Variants in SLC7A8 observed in about 807,000 individuals in gnomAD.
The protein encoded by SLC7A8 is solute carrier family 7 member 8.
A neutral mutation model predicts 51.2 loss-of-function variants in SLC7A8; 30 were observed. The observed-to-expected ratio is 0.59, with a 90% confidence interval of 0.44 to 0.80. The LOEUF (loss-of-function observed/expected upper bound fraction) is 0.80. SLC7A8 is among the 30% of genes least tolerant of loss of function. The pLI, the probability that SLC7A8 is intolerant of heterozygous loss-of-function variation, is 0.00. For synonymous variants in SLC7A8, 257 were observed against 275.8 expected (o/e 0.93, Z 0.67); for missense variants, 612 against 674.4 (o/e 0.91, Z 1.03).
rs1420110338 is a variant in SLC7A8, at chr14:23,131,443, A to G, written c.1113+18T>C. On this transcript the variant is annotated intron_variant, in intron 8 of 10. Coordinates refer to ENST00000316902, the MANE Select transcript of SLC7A8 (RefSeq NM_012244.4). ...GAGAGGGAGGTGTGTGGAGAGTTAC[A>G]GCAGGAAGGGCCCTTACTGTGAAGA... 5 of 1,555,858 alleles carry G rather than the reference A, an allele frequency of 3.2e-6. No individual in the cohort carries two copies. Among genetic ancestry groups the G allele is most frequent in the Non-Finnish European group, 4.3e-6 (5 of 1,149,902 alleles).
At chr14:23,162,107 C>T (rs935542594) in intron 3 of SLC7A8, among the ~76,000 whole-genome samples, 6 of 151,452 alleles carry the variant, frequency 4.0e-5, no homozygotes, top group African/African-American at 7.3e-5. Context: ...TTCAACAAAC[C>T]GGAAAACAGA....
chr14:23,169,023 C>A (rs2048963431), intron 1 of SLC7A8, among the ~76,000 whole-genome samples: 1 of 152,036 alleles, frequency 6.6e-6, no homozygotes, highest in African/African-American at 2.4e-5. Context: ...TGGGTTTCTG[C>A]CCCCAAAACC....
chr14:23,155,405 T>C (rs1331963360), intron 3 of SLC7A8: 2 of 1,455,186 alleles, frequency 1.4e-6, no homozygotes, highest in Admixed American at 2.5e-5. Flanking sequence ...TTCCTTCTTA[T>C]CCTGTTAGCT....
chr14:23,138,998 T>C (rs1046050641), intron 6 of SLC7A8, among the ~76,000 whole-genome samples: 1 of 152,190 alleles, frequency 6.6e-6, no homozygotes, highest in Non-Finnish European at 1.5e-5. Flanking sequence ...ACCTGACTTC[T>C]GCTTCTGGAG....
intron 10 of SLC7A8, 69 bp from the exon 11 acceptor site, chr14:23,127,412 G>C (rs2180395): frequency 6.4e-7 from 1 of 1,560,210 alleles, no homozygotes; most frequent in Non-Finnish European, 8.8e-7. Context: ...AAGTGGCCCC[G>C]GCCCTTCCTG....
chr14:23,137,808 A>G (rs2048704369), intron 7 of SLC7A8, 113 bp downstream of exon 7: 14 of 1,358,964 alleles, frequency 1.0e-5, no homozygotes, highest in Middle Eastern at 2.6e-4. Flanking sequence ...TGCAAGCCCA[A>G]CATCCAGATG....
chr14:23,153,489 C>T (rs1239579709), intron 3 of SLC7A8, among the ~76,000 whole-genome samples: 2 of 152,168 alleles, frequency 1.3e-5, no homozygotes, highest in African/African-American at 4.8e-5. Context: ...GCCAGTGCCA[C>T]TTGGGACTCT....
chr14:23,163,477 G>A (rs1467708379), intron 3 of SLC7A8, among the ~76,000 whole-genome samples: 10 of 152,216 alleles, frequency 6.6e-5, no homozygotes, highest in Non-Finnish European at 1.5e-4. Flanking sequence ...AAATGGCCTG[G>A]GTGGTGGAGG....
At position 23,126,760 on chromosome 14, in the gene SLC7A8, C is replaced by G. The variant is rs527511036; in HGVS notation, c.*417G>C. The G allele has an allele frequency of 1.7e-4, 37 of 217,174 alleles. 2 individuals carry two copies. The South Asian group carries it at 2.3e-3, about 14-fold the overall frequency. 13.5% of individuals were successfully genotyped at this position (217,174 alleles called of 1,614,324 possible). A position where few individuals can be genotyped will look rare whatever the true frequency, so the allele number is the denominator to read the frequency against. ...TCTCCAGCTGACCCCTTGATGGGGA[C>G]AGAATTGCTTGAGCCTGTCCCCCCA... On this transcript the variant is annotated 3_prime_UTR_variant, in exon 11 of 11. Transcript: ENST00000316902.
rs751185755 is a variant in SLC7A8 at position 23,182,816 on chromosome 14, T to A, written c.99A>T (p.Gly33=). ...ASPEAGSGGG[G]VALKKEIGLV... ...ATCCGATCTCTTTCTTCAGGGCTACTCCGCCCCCTCCGGAACCAGCCTCGG... is the reference window on the plus strand; with the variant it reads ...ATCCGATCTCTTTCTTCAGGGCTACACCGCCCCCTCCGGAACCAGCCTCGG... The change falls in exon 1 of 11, where the codon GGA becomes GGT. Residue 33 remains glycine (G), a synonymous_variant. Coordinates refer to ENST00000316902, the MANE Select transcript of SLC7A8 (RefSeq NM_012244.4). The A allele has an allele frequency of 6.2e-7, 1 of 1,613,594 alleles. No homozygotes were observed. The highest frequency in any genetic ancestry group is 8.5e-7 in the Non-Finnish European group (1 of 1,179,812).
chr14:23,142,312 T>G (rs1231626917), intron 4 of SLC7A8, among the ~76,000 whole-genome samples: 1 of 152,036 alleles, frequency 6.6e-6, no homozygotes, highest in Admixed American at 6.6e-5. Flanking sequence ...CCAAATCCAG[T>G]GGGGAATGTT....
chr14:23,133,569 G>C (rs2048661014), intron 7 of SLC7A8, among the ~76,000 whole-genome samples: 1 of 152,166 alleles, frequency 6.6e-6, no homozygotes, highest in Admixed American at 6.5e-5. Context: ...GCTCATGCCT[G>C]TAATCCCAGC....
At chr14:23,175,773 C>G (rs1256327751) in intron 1 of SLC7A8, among the ~76,000 whole-genome samples, 1 of 152,188 alleles carries the variant, frequency 6.6e-6, no homozygotes, top group Non-Finnish European at 1.5e-5. Flanking sequence ...ACCTTGCACT[C>G]CAGACTGAGG....
intron 1 of SLC7A8, among the ~76,000 whole-genome samples, chr14:23,175,214 GTGTT>G (rs772359532): frequency 7.9e-5 from 12 of 152,058 alleles, no homozygotes; most frequent in Admixed American, 4.6e-4. Flanking sequence ...GTGGTGTTTT[GTGTT>G]TGTTTGTTTG....
intron 7 of SLC7A8, among the ~76,000 whole-genome samples, chr14:23,132,699 G>A (rs548768398): frequency 2.0e-3 from 295 of 149,020 alleles, no homozygotes; most frequent in Non-Finnish European, 3.5e-3. Flanking sequence ...GCAATAGCAC[G>A]ATCTTGGTTC....
chr14:23,155,116 C>T, intron 3 of SLC7A8: 3 of 1,503,292 alleles, frequency 2.0e-6, no homozygotes, highest in Non-Finnish European at 2.7e-6. Flanking sequence ...GCCTATCGCA[C>T]GATAGTAACA....
intron 7 of SLC7A8, among the ~76,000 whole-genome samples, chr14:23,132,900 T>A (rs1341361114): frequency 6.6e-6 from 1 of 151,834 alleles, no homozygotes; most frequent in Non-Finnish European, 1.5e-5. Flanking sequence ...CCTCCCAAAG[T>A]ACTGGGATTA....
At chr14:23,171,512 T>A (rs531898034) in intron 1 of SLC7A8, among the ~76,000 whole-genome samples, 15 of 152,310 alleles carry the variant, frequency 9.8e-5, no homozygotes, top group African/African-American at 3.6e-4. Context: ...CATCAAAGAA[T>A]TTCCTAAGGC....
At chr14:23,154,870 T>G (rs78454818) in intron 3 of SLC7A8, among the ~76,000 whole-genome samples, 2,502 of 151,682 alleles carry the variant, frequency 0.016, 64 homozygotes, top group African/African-American at 0.057. Flanking sequence ...GCCCACATTA[T>G]AAAGTCCTTC....
Sources: gnomAD v4.1 joint callset for allele counts (sites outside exome capture counted in the v4.1 genomes callset) on GRCh38, gnomAD v4.1.1 for gene constraint, MANE v1.5 for transcripts, NCBI Gene and HGNC (gene_info 2026-07-23, HGNC 2026-07-21) for gene names.